Variants in MPP7 observed in about 807,000 individuals in gnomAD.
The protein encoded by MPP7 is MAGUK p55 subfamily member 7.
MPP7 carries 60 observed loss-of-function variants against 76.5 expected under a neutral mutation model. That is an observed-to-expected ratio of 0.78 (90% confidence interval 0.64 to 0.97). MPP7 has a LOEUF of 0.97. Ranked by LOEUF, MPP7 falls within the 50% of genes least tolerant of loss-of-function variation. The pLI, the probability that MPP7 is intolerant of heterozygous loss-of-function variation, is 0.00. For missense variants in MPP7, 641 were observed against 694.0 expected, an observed-to-expected ratio of 0.92 and a Z score of 0.86; for synonymous variants, 237 against 244.5, an observed-to-expected ratio of 0.97 and a Z score of 0.29.
At chr10:28,155,391 A>G (rs957442599) in intron 3 of MPP7, among the ~76,000 whole-genome samples, 1 of 152,102 alleles carries the variant, frequency 6.6e-6, no homozygotes, top group Admixed American at 6.6e-5. Flanking sequence ...GGAGTTCAAC[A>G]CCAGCCTGGG....
At chr10:28,219,191 G>A (rs1311526677) in intron 2 of MPP7, among the ~76,000 whole-genome samples, 1 of 152,072 alleles carries the variant, frequency 6.6e-6, no homozygotes, top group Admixed American at 6.6e-5. Flanking sequence ...TAAATTCAAT[G>A]CTAAAATGTG....
At chr10:28,308,940 C>T (rs748962073) in intron 2 of MPP7, among the ~76,000 whole-genome samples, 6 of 152,128 alleles carry the variant, frequency 3.9e-5, no homozygotes, top group Non-Finnish European at 7.3e-5. Flanking sequence ...TTGGAAAACT[C>T]TAAAACTAGT....
chr10:28,120,311 T>G lies in MPP7; in HGVS notation c.770A>C (p.Lys257Thr), dbSNP rs929901381. Reference sequence around the variant, plus strand: ...CATAATCTGAAGAATATCTCCCTTTTTGAAAGAAAGCCCAGCTTCCTTACA... The same window carrying G: ...CATAATCTGAAGAATATCTCCCTTTGTGAAAGAAAGCCCAGCTTCCTTACA... ...IPCKEAGLSF[K>T]KGDILQIMSQ... is the part of the protein sequence containing the mutation. The change falls in exon 10 of 17, where the codon AAA (lysine) becomes ACA (threonine). Residue 257 changes from lysine (K) to threonine (T), a missense_variant. Physicochemically the swap from Lys to Thr is moderately conservative, Grantham distance 78. Transcript: ENST00000683449. 1 of 1,613,928 alleles carries G rather than the reference T, an allele frequency of 6.2e-7. No individual in the cohort carries two copies. Among genetic ancestry groups the G allele is most frequent in the Non-Finnish European group, 8.5e-7 (1 of 1,179,976 alleles).
At chr10:28,151,555 T>G (rs992136466) in intron 3 of MPP7, among the ~76,000 whole-genome samples, 9 of 152,214 alleles carry the variant, frequency 5.9e-5, no homozygotes, top group African/African-American at 2.2e-4. Flanking sequence ...CCTGCTATAA[T>G]AAACATAGAG....
intron 9 of MPP7, 84 bp from the exon 10 acceptor site, chr10:28,120,474 C>T: frequency 2.0e-6 from 3 of 1,486,998 alleles, no homozygotes; most frequent in Non-Finnish European, 2.8e-6. Context: ...CGACTCCAAA[C>T]ATAGTAATTT....
At chr10:28,169,835 G>A (rs1361898284) in intron 3 of MPP7, among the ~76,000 whole-genome samples, 2 of 152,062 alleles carry the variant, frequency 1.3e-5, no homozygotes, top group Non-Finnish European at 2.9e-5. Flanking sequence ...GTAGATTCCC[G>A]TTGGGTTTTC....
At chr10:28,281,394 G>C (rs1056651847) in intron 1 of MPP7, among the ~76,000 whole-genome samples, 4 of 151,930 alleles carry the variant, frequency 2.6e-5, no homozygotes, top group African/African-American at 9.7e-5. Flanking sequence ...AGGCCTAATG[G>C]TCATTTCTAA....
intron 11 of MPP7, among the ~76,000 whole-genome samples, chr10:28,097,104 C>T (rs1169423793): frequency 1.3e-5 from 2 of 151,992 alleles, no homozygotes; most frequent in African/African-American, 4.8e-5. Context: ...ATCCTCCCAC[C>T]TCAGCCTCCC....
chr10:28,094,170 A>G (rs1331235734), intron 11 of MPP7, among the ~76,000 whole-genome samples: 1 of 152,212 alleles, frequency 6.6e-6, no homozygotes, highest in African/African-American at 2.4e-5. Context: ...TCGGTTTTTC[A>G]GTAGCAACAG....
chr10:28,265,448 G>A (rs2132981920), intron 1 of MPP7, among the ~76,000 whole-genome samples: 1 of 152,132 alleles, frequency 6.6e-6, no homozygotes, highest in Admixed American at 6.5e-5. Flanking sequence ...AGTCCCAGCT[G>A]CTTGGGAGGC....
intron 1 of MPP7, among the ~76,000 whole-genome samples, chr10:28,263,379 G>A (rs1201966877): frequency 6.6e-6 from 1 of 152,110 alleles, no homozygotes; most frequent in African/African-American, 2.4e-5. Flanking sequence ...TTCAGAACAC[G>A]GAAACTGTTC....
chr10:28,131,220 T>A (rs1477432447), intron 6 of MPP7, among the ~76,000 whole-genome samples: 2 of 152,206 alleles, frequency 1.3e-5, no homozygotes, highest in Non-Finnish European at 2.9e-5. Flanking sequence ...TTGAATTAAG[T>A]ATATAAAATA....
intron 3 of MPP7, among the ~76,000 whole-genome samples, chr10:28,162,429 A>G (rs1037896854): frequency 1.3e-5 from 2 of 152,242 alleles, no homozygotes; most frequent in Non-Finnish European, 2.9e-5. Flanking sequence ...AAAAAAATAC[A>G]AAGATAAAAA....
intron 11 of MPP7, among the ~76,000 whole-genome samples, chr10:28,100,126 A>C (rs2133506835): frequency 6.6e-6 from 1 of 151,666 alleles, no homozygotes; most frequent in East Asian, 1.9e-4. Flanking sequence ...AAGATTAAAA[A>C]AAAAAAAAAC....
chr10:28,243,648 G>A (rs1397839966), intron 1 of MPP7, among the ~76,000 whole-genome samples: 1 of 152,122 alleles, frequency 6.6e-6, no homozygotes, highest in Non-Finnish European at 1.5e-5. Context: ...AATATCCACA[G>A]TTAACTGAAT....
chr10:28,148,581 T>A (rs536342535), intron 4 of MPP7, among the ~76,000 whole-genome samples: 1 of 152,192 alleles, frequency 6.6e-6, no homozygotes, highest in East Asian at 1.9e-4. Context: ...TCATAGAAAA[T>A]TATACAGTCA....
chr10:28,226,573 A>G (rs1838698685), intron 2 of MPP7, among the ~76,000 whole-genome samples: 2 of 152,168 alleles, frequency 1.3e-5, no homozygotes, highest in African/African-American at 2.4e-5. Context: ...ATGAGTACTG[A>G]GTTTCTGTAT....
chr10:28,154,460 G>A (rs1261563761), intron 3 of MPP7, among the ~76,000 whole-genome samples: 1 of 152,108 alleles, frequency 6.6e-6, no homozygotes, highest in Non-Finnish European at 1.5e-5. Context: ...ATTCCAGCCA[G>A]GGTGTTTGCA....
At chr10:28,274,446 C>G (rs1361645182) in intron 1 of MPP7, among the ~76,000 whole-genome samples, 1 of 152,134 alleles carries the variant, frequency 6.6e-6, no homozygotes, top group Non-Finnish European at 1.5e-5. Context: ...GCTCCCTAAA[C>G]TCTGCCCATA....
Sources: allele counts gnomAD v4.1 joint callset (sites outside exome capture counted in the v4.1 genomes callset), GRCh38; gene constraint gnomAD v4.1.1; transcripts MANE v1.5; gene names NCBI Gene and HGNC (gene_info 2026-07-23, HGNC 2026-07-21).